The following ALMS1 variants were observed in gnomAD, a reference collection of about 807,000 sequenced individuals.
The protein encoded by ALMS1 is centrosome-associated protein ALMS1.
Under a neutral mutation model 352.2 loss-of-function variants are expected in ALMS1, and 271 were observed. The observed-to-expected ratio is 0.77, with a 90% CI of 0.70 to 0.85. ALMS1 has a LOEUF of 0.85. ALMS1 is among the 40% of genes least tolerant of loss of function. The pLI is 0.00. For synonymous variants in ALMS1, 1,865 were observed against 1,761.2 expected, an observed-to-expected ratio of 1.06 and a Z score of -1.48; for missense variants, 5,445 against 4,870.7, an observed-to-expected ratio of 1.12 and a Z score of -3.51.
chr2:73,392,944 A>G (rs183953670), intron 1 of ALMS1, among the ~76,000 whole-genome samples: 249 of 152,240 alleles, frequency 1.6e-3, no homozygotes, highest in Non-Finnish European at 2.7e-3. Flanking sequence ...TGGCCTTCCT[A>G]TTAGCAGTGT....
At chr2:73,583,134 T>A (rs1444475241) in intron 16 of ALMS1, among the ~76,000 whole-genome samples, 1 of 152,142 alleles carries the variant, frequency 6.6e-6, no homozygotes. Context: ...AGCATTTTTT[T>A]ATATGCTTTT....
At chr2:73,414,014 T>C (rs867321167) in intron 2 of ALMS1, among the ~76,000 whole-genome samples, 1 of 152,198 alleles carries the variant, frequency 6.6e-6, no homozygotes, top group African/African-American at 2.4e-5. Flanking sequence ...TTCTTGGAAT[T>C]TCTATATAAA....
chr2:73,442,817 T>C (rs1013088822), intron 7 of ALMS1, among the ~76,000 whole-genome samples: 4 of 152,212 alleles, frequency 2.6e-5, no homozygotes, highest in African/African-American at 7.2e-5. Context: ...TATCTAGATA[T>C]ATCTCATACT....
At chr2:73,546,759 C>G (rs989287630) in intron 12 of ALMS1, among the ~76,000 whole-genome samples, 12 of 152,160 alleles carry the variant, frequency 7.9e-5, no homozygotes, top group Non-Finnish European at 5.9e-5. Flanking sequence ...GGGAAAGCCC[C>G]TGAAGCAGAA....
intron 9 of ALMS1, among the ~76,000 whole-genome samples, chr2:73,485,835 T>C (rs2461691): frequency 0.87 from 132,703 of 152,046 alleles, 57,985 homozygotes; most frequent in Admixed American, 0.92. Context: ...TGACCCGATT[T>C]TCCAGGTGCG....
intron 12 of ALMS1, among the ~76,000 whole-genome samples, chr2:73,536,945 G>A (rs1416581917): frequency 1.3e-5 from 2 of 152,158 alleles, no homozygotes; most frequent in East Asian, 1.9e-4. Flanking sequence ...CTCAGTGATA[G>A]CCTTCAGAAA....
intron 10 of ALMS1, 36 bp downstream of exon 10, chr2:73,491,534 AC>A: frequency 6.2e-7 from 1 of 1,604,940 alleles, no homozygotes; most frequent in East Asian, 2.2e-5. Context: ...AGCTGGATGG[AC>A]TTTGTAATAA....
At chr2:73,602,092 C>T (rs1444440563) in intron 19 of ALMS1, 93 bp from the exon 20 acceptor site, 3 of 1,316,614 alleles carry the variant, frequency 2.3e-6, no homozygotes, top group African/African-American at 1.5e-5. Context: ...CTTCCCCAAA[C>T]CTCTTGGGCA....
intron 9 of ALMS1, among the ~76,000 whole-genome samples, chr2:73,486,237 T>A (rs1312157030): frequency 6.6e-6 from 1 of 152,146 alleles, no homozygotes; most frequent in African/African-American, 2.4e-5. Context: ...TTGCAAATAT[T>A]TTCTTGTAAC....
intron 21 of ALMS1, among the ~76,000 whole-genome samples, chr2:73,604,968 C>A (rs1048617726): frequency 3.3e-5 from 5 of 152,148 alleles, no homozygotes; most frequent in South Asian, 2.1e-4. Context: ...AATGGAGGTA[C>A]ACGGGAAGCA....
Position 73,603,252 on chromosome 2 carries a change from A to G in ALMS1, c.12310A>G (p.Ile4104Val), listed in dbSNP as rs780286947. The change falls in exon 21 of 23, where the codon ATC becomes GTC. Residue 4104 changes from isoleucine (I) to valine (V), a missense_variant. Ile to Val is a conservative substitution (Grantham distance 29). Coordinates refer to ENST00000613296, the MANE Select transcript of ALMS1 (RefSeq NM_001378454.1). ...CTTCTCTTGCCTAGTCTTCCTGGCT[A>G]TCCAGAAGAACAAGCCTATCAGCAA... ...CPLPKRVFLA[I>V]QKNKPISKKE... 6.6e-5 allele frequency: 106 copies of G among 1,614,050 alleles called. No individual in the cohort carries two copies. The highest frequency in any genetic ancestry group is 8.0e-5 in the Non-Finnish European group (94 of 1,180,010).
chr2:73,442,141 GT>G (rs1172576041), intron 7 of ALMS1, among the ~76,000 whole-genome samples: 1 of 152,012 alleles, frequency 6.6e-6, no homozygotes, highest in Non-Finnish European at 1.5e-5. Context: ...TATAATACAG[GT>G]TGAGCATCCC....
At chr2:73,436,691 C>T (rs1041843077) in intron 7 of ALMS1, among the ~76,000 whole-genome samples, 1 of 152,158 alleles carries the variant, frequency 6.6e-6, no homozygotes, top group African/African-American at 2.4e-5. Context: ...TTTTTCACTT[C>T]AGTTACTGTA....
chr2:73,593,611 T>A (rs1260698377), intron 16 of ALMS1, among the ~76,000 whole-genome samples: 1 of 152,364 alleles, frequency 6.6e-6, no homozygotes, highest in Admixed American at 6.5e-5. Flanking sequence ...AAACTTTACC[T>A]GTTTAAAGTG....
At position 73,453,870 on chromosome 2, in the gene ALMS1, CAT is replaced by C; in HGVS notation, c.7346_7347del (p.Tyr2449CysfsTer10). On this transcript the variant is annotated frameshift_variant, in exon 8 of 23. Coordinates refer to ENST00000613296, the MANE Select transcript of ALMS1 (RefSeq NM_001378454.1). LOFTEE classifies it high-confidence loss of function. The stretch of plus-strand genomic sequence containing the variant: ...TCTGATGTTCTTCTAAACTTCTTTC[CAT>C]ATGTTTCACCCAAGACAAGTATAAC... The C allele has an allele frequency of 6.2e-7, 1 of 1,614,038 alleles. No homozygotes were observed. Among genetic ancestry groups the C allele is most frequent in the Non-Finnish European group, 8.5e-7 (1 of 1,179,994 alleles).
At chr2:73,509,189 T>C (rs1457485520) in intron 10 of ALMS1, among the ~76,000 whole-genome samples, 1 of 152,170 alleles carries the variant, frequency 6.6e-6, no homozygotes, top group Non-Finnish European at 1.5e-5. Context: ...CAATGGGTCT[T>C]GACTCTTTAT....
chr2:73,587,767 A>G (rs892185841), intron 16 of ALMS1, among the ~76,000 whole-genome samples: 1 of 152,214 alleles, frequency 6.6e-6, no homozygotes, highest in Admixed American at 6.5e-5. Flanking sequence ...TTGGTAGACC[A>G]TTAGTGAGAT....
intron 12 of ALMS1, among the ~76,000 whole-genome samples, chr2:73,538,451 G>A (rs529134581): frequency 1.3e-5 from 2 of 152,204 alleles, no homozygotes; most frequent in Non-Finnish European, 2.9e-5. Flanking sequence ...GCAGCTCCCA[G>A]TGTGAGCGAT....
rs1472641862 is a variant in ALMS1, at chr2:73,482,485, T to C, written c.7675-7149T>C. Reference sequence around the variant, plus strand: ...TGCTGCTGGATTCAGTTTGCCAGTATTTTATTGAGGATTTTTGCATCAATG... The same window carrying C: ...TGCTGCTGGATTCAGTTTGCCAGTACTTTATTGAGGATTTTTGCATCAATG... On this transcript the variant is annotated intron_variant, in intron 9 of 22. Coordinates refer to ENST00000613296, the MANE Select transcript of ALMS1 (RefSeq NM_001378454.1). Among the ~76,000 whole-genome samples, 8 of 149,024 alleles carry C rather than the reference T, an allele frequency of 5.4e-5. No homozygotes were observed. In the East Asian group the frequency reaches 1.3e-3, roughly 25 times the overall value.
Sources: allele counts gnomAD v4.1 joint callset (sites outside exome capture counted in the v4.1 genomes callset), GRCh38; gene constraint gnomAD v4.1.1; transcripts MANE v1.5; gene names NCBI Gene and HGNC (gene_info 2026-07-23, HGNC 2026-07-21).